The following EYS variants were observed in gnomAD, a reference collection of about 807,000 sequenced individuals.
The protein encoded by EYS is protein eyes shut homolog.
EYS carries 250 observed loss-of-function variants against 282.1 expected under a neutral mutation model. The ratio of observed to expected loss-of-function variants is 0.89; its 90% CI spans 0.80 to 0.98. The LOEUF (loss-of-function observed/expected upper bound fraction) is 0.98, where lower values mean the gene tolerates loss of function less well. Among genes scored for constraint, EYS ranks in the 50% least tolerant of loss-of-function variants. EYS has a pLI of 0.00. For synonymous variants in EYS, 1,355 were observed against 1,282.9 expected (o/e 1.06, Z -1.20); for missense variants, 4,016 against 3,709.0 (o/e 1.08, Z -2.15).
chr6:64,370,019 A>C (rs1193816457), intron 29 of EYS, among the ~76,000 whole-genome samples: 1 of 151,920 alleles, frequency 6.6e-6, no homozygotes, highest in African/African-American at 2.4e-5. Flanking sequence ...GATGTGTTTT[A>C]TTTCTTTCTC....
At chr6:64,933,041 T>G (rs551276069) in intron 15 of EYS, among the ~76,000 whole-genome samples, 1 of 152,066 alleles carries the variant, frequency 6.6e-6, no homozygotes, top group African/African-American at 2.4e-5. Context: ...TGCACAGAAA[T>G]AAAACCAGTA....
rs1772685706 is a variant in EYS at position 65,033,913 on chromosome 6, T to C, written c.2137+23701A>G. On this transcript the variant is annotated intron_variant, in intron 13 of 42. Transcript: ENST00000503581. The stretch of plus-strand genomic sequence containing the variant: ...GCCTGGAAAAGCTGCAAGAATTCAA[T>C]TCCAATCTGTGAGAGCAGCCCTGGT... Among the ~76,000 whole-genome samples, 3 of 152,320 alleles carry C rather than the reference T, an allele frequency of 2.0e-5. No homozygotes were observed. In the South Asian group the frequency reaches 6.2e-4, roughly 32 times the overall value.
intron 35 of EYS, among the ~76,000 whole-genome samples, chr6:63,925,543 C>G (rs565409106): frequency 6.6e-6 from 1 of 152,154 alleles, no homozygotes; most frequent in African/African-American, 2.4e-5. Context: ...GTTGATTTTA[C>G]TTTAAGTTCC....
At chr6:64,551,024 G>C (rs1765058648) in intron 26 of EYS, among the ~76,000 whole-genome samples, 1 of 151,916 alleles carries the variant, frequency 6.6e-6, no homozygotes. Flanking sequence ...GAAAAGCCTA[G>C]CTATAGTAGC....
chr6:64,625,287 A>G (rs1767570118), intron 23 of EYS, among the ~76,000 whole-genome samples: 1 of 152,232 alleles, frequency 6.6e-6, no homozygotes, highest in Non-Finnish European at 1.5e-5. Context: ...TCAAAGGTAG[A>G]GATGGCCAAA....
At chr6:65,286,987 A>T (rs1768385246) in intron 12 of EYS, among the ~76,000 whole-genome samples, 1 of 151,522 alleles carries the variant, frequency 6.6e-6, no homozygotes, top group South Asian at 2.1e-4. Flanking sequence ...AGCTTATAAA[A>T]GTCTTGGGCT....
At chr6:65,567,406 A>T (rs1764312747) in intron 2 of EYS, among the ~76,000 whole-genome samples, 1 of 151,342 alleles carries the variant, frequency 6.6e-6, no homozygotes, top group South Asian at 2.1e-4. Context: ...AGAAGTAAAA[A>T]TTTTAAATTA....
intron 26 of EYS, among the ~76,000 whole-genome samples, chr6:64,561,605 AT>A (rs1479945347): frequency 7.2e-5 from 11 of 152,120 alleles, no homozygotes; most frequent in Admixed American, 3.3e-4. Flanking sequence ...ATACCTGGGA[AT>A]ACAGCAAACC....
At chr6:64,848,953 C>G (rs995118755) in intron 19 of EYS, among the ~76,000 whole-genome samples, 9 of 151,982 alleles carry the variant, frequency 5.9e-5, no homozygotes, top group Admixed American at 6.6e-5. Flanking sequence ...GTTTGAATAC[C>G]CTAATATTTT....
At chr6:63,931,606 A>C (rs911511186) in intron 35 of EYS, among the ~76,000 whole-genome samples, 1 of 152,138 alleles carries the variant, frequency 6.6e-6, no homozygotes, top group Admixed American at 6.5e-5. Flanking sequence ...CTATGTGTCA[A>C]CCCTGACTAT....
intron 30 of EYS, among the ~76,000 whole-genome samples, chr6:64,231,540 T>A (rs1243551766): frequency 6.6e-6 from 1 of 152,108 alleles, no homozygotes; most frequent in Admixed American, 6.6e-5. Context: ...ATATTGGAAG[T>A]TTGTTTAATA....
intron 22 of EYS, among the ~76,000 whole-genome samples, chr6:64,724,020 A>G (rs1258058553): frequency 6.6e-6 from 1 of 152,032 alleles, no homozygotes; most frequent in Non-Finnish European, 1.5e-5. Context: ...TCAATCACAG[A>G]GGATTTGTTT....
At position 64,388,951 on chromosome 6, in the gene EYS, CAAT is replaced by C. The variant is rs946414032; in HGVS notation, c.5928-114_5928-112del. 5.5e-6 allele frequency: 4 copies of C among 723,678 alleles called. No homozygotes were observed. In the African/African-American group the frequency reaches 7.5e-5, roughly 13 times the overall value. 44.8% of individuals were successfully genotyped at this position (723,678 alleles called of 1,614,324 possible). ...TAATTTAAGTAAATAGATTATTTCA[CAAT>C]AAAACAAAGCCAGAAGCAGATTAAT... On this transcript the variant is annotated intron_variant, in intron 28 of 42. Transcript: ENST00000503581.
At chr6:65,530,511 T>C (rs1767726027) in intron 2 of EYS, among the ~76,000 whole-genome samples, 1 of 152,196 alleles carries the variant, frequency 6.6e-6, no homozygotes, top group Non-Finnish European at 1.5e-5. Context: ...TTAACAGAAA[T>C]GCTGGTGGAC....
intron 19 of EYS, among the ~76,000 whole-genome samples, chr6:64,860,390 G>A (rs1176011734): frequency 1.3e-5 from 2 of 152,244 alleles, no homozygotes; most frequent in East Asian, 1.9e-4. Context: ...GTCAGCAAGC[G>A]AGTGTGGGGT....
At chr6:64,294,399 A>T (rs1768828176) in intron 30 of EYS, among the ~76,000 whole-genome samples, 1 of 152,212 alleles carries the variant, frequency 6.6e-6, no homozygotes, top group African/African-American at 2.4e-5. Flanking sequence ...GAGATTTATA[A>T]TTTGTGGTGA....
At chr6:65,196,324 G>C (rs1369071411) in intron 12 of EYS, among the ~76,000 whole-genome samples, 1 of 151,816 alleles carries the variant, frequency 6.6e-6, no homozygotes, top group Non-Finnish European at 1.5e-5. Flanking sequence ...CCATTCCCAT[G>C]GTTTTTTATA....
intron 31 of EYS, among the ~76,000 whole-genome samples, chr6:64,225,918 C>T (rs1766240602): frequency 6.6e-6 from 1 of 152,148 alleles, no homozygotes; most frequent in South Asian, 2.1e-4. Flanking sequence ...TTTAACATCT[C>T]AGTATTTCAG....
intron 29 of EYS, among the ~76,000 whole-genome samples, chr6:64,309,214 A>G (rs148456343): frequency 9.9e-5 from 15 of 152,278 alleles, no homozygotes; most frequent in African/African-American, 3.6e-4. Context: ...AGGGATAAAA[A>G]AAGGGGAAAC....
Sources: gnomAD v4.1 joint callset for allele counts (sites outside exome capture counted in the v4.1 genomes callset) on GRCh38, gnomAD v4.1.1 for gene constraint, MANE v1.5 for transcripts, NCBI Gene and HGNC (gene_info 2026-07-23, HGNC 2026-07-21) for gene names.